TRAPPC10: variants seen among roughly 807,000 people sequenced by gnomAD.
The protein encoded by TRAPPC10 is TRAPP 130 kDa subunit.
TRAPPC10 carries 23 observed loss-of-function variants against 125.5 expected under a neutral mutation model. That is an observed-to-expected ratio of 0.18 (90% confidence interval 0.13 to 0.26). TRAPPC10 has a LOEUF of 0.26. Among genes scored for constraint, TRAPPC10 ranks in the 10% least tolerant of loss-of-function variants. The pLI is 1.00. For missense variants in TRAPPC10, 1,123 were observed against 1,308.4 expected (o/e 0.86, Z 2.19); for synonymous variants, 509 against 518.0 (o/e 0.98, Z 0.24).
At chr21:44,031,506 C>T (rs1238572794) in intron 1 of TRAPPC10, among the ~76,000 whole-genome samples, 1 of 152,178 alleles carries the variant, frequency 6.6e-6, no homozygotes, top group Non-Finnish European at 1.5e-5. Context: ...GCACTGAACA[C>T]GTTGGCCCTC....
In TRAPPC10 at chr21:44,074,328, C is replaced by G. The variant is rs2146021698; in HGVS notation, c.1043C>G (p.Ser348Cys). The G allele has an allele frequency of 1.9e-6, 3 of 1,614,026 alleles. No individual in the cohort carries two copies. The South Asian group carries it at 3.3e-5, about 18-fold the overall frequency. ...CVQELKLLEV[S>C]VPPGALDCWV... Reference sequence around the variant, plus strand: ...TTCGCATTTGCACCCCCACAGGTCTCTGTCCCACCTGGTGCTCTGGACTGC... The same window carrying G: ...TTCGCATTTGCACCCCCACAGGTCTGTGTCCCACCTGGTGCTCTGGACTGC... The change falls in exon 8 of 23, where the codon TCT becomes TGT. Residue 348 changes from serine to cysteine, a missense_variant. Transcript: ENST00000291574.
rs2037896166 is a variant in TRAPPC10 at position 44,083,365 on chromosome 21, G to T, written c.2238+63G>T. 4.5e-6 allele frequency: 7 copies of T among 1,554,120 alleles called. No homozygotes were observed. The African/African-American group carries it at 5.5e-5, about 12-fold the overall frequency. Reference sequence around the variant, plus strand: ...TAAAGCAGGGCCGTGGAGCTTACAAGAACTGTCTGGAGTGTGCTGTGAATT... The same window carrying T: ...TAAAGCAGGGCCGTGGAGCTTACAATAACTGTCTGGAGTGTGCTGTGAATT... On this transcript the variant is annotated intron_variant, in intron 14 of 22. Coordinates refer to ENST00000291574, the MANE Select transcript of TRAPPC10 (RefSeq NM_003274.5).
intron 6 of TRAPPC10, among the ~76,000 whole-genome samples, chr21:44,062,184 A>G (rs564168357): frequency 1.5e-3 from 235 of 152,332 alleles, no homozygotes; most frequent in African/African-American, 5.2e-3. Flanking sequence ...TTTAAAATCC[A>G]AAAGTAAGCC....
At chr21:44,053,798 G>A (rs1282271581) in intron 4 of TRAPPC10, among the ~76,000 whole-genome samples, 2 of 152,172 alleles carry the variant, frequency 1.3e-5, no homozygotes, top group African/African-American at 4.8e-5. Flanking sequence ...GGGGGATCAC[G>A]CCGCTCTCCA....
intron 2 of TRAPPC10, among the ~76,000 whole-genome samples, chr21:44,032,540 A>G (rs951164216): frequency 6.6e-6 from 1 of 151,662 alleles, no homozygotes; most frequent in African/African-American, 2.4e-5. Flanking sequence ...GCGCTACCGC[A>G]CCCGGCTAAT....
At chr21:44,013,185 C>G (rs2031373772) in intron 1 of TRAPPC10, among the ~76,000 whole-genome samples, 1 of 151,330 alleles carries the variant, frequency 6.6e-6, no homozygotes, top group Admixed American at 6.6e-5. Flanking sequence ...CTCGAGTCTA[C>G]ACTACGGACA....
chr21:44,058,108 C>T (rs1449433627), intron 5 of TRAPPC10, among the ~76,000 whole-genome samples: 1 of 152,076 alleles, frequency 6.6e-6, no homozygotes, highest in Non-Finnish European at 1.5e-5. Flanking sequence ...GGAGGAGATA[C>T]AGGAAAGGAA....
chr21:44,050,013 G>A, intron 3 of TRAPPC10, among the ~76,000 whole-genome samples: 1 of 151,888 alleles, frequency 6.6e-6, no homozygotes, highest in Non-Finnish European at 1.5e-5. Flanking sequence ...CTGGGTAGCT[G>A]GGACTACAGG....
chr21:44,059,713 T>C lies in TRAPPC10; in HGVS notation c.790+499T>C, dbSNP rs913744383. On this transcript the variant is annotated intron_variant, in intron 6 of 22. Coordinates refer to ENST00000291574, the MANE Select transcript of TRAPPC10 (RefSeq NM_003274.5). The surrounding 1 kb of genome is among the most constrained non-coding windows in gnomAD (Gnocchi z 4.4). ...GTGAAACCATACACAGAGAGAAACA[T>C]TGGTTATTGTCCTCAGTGTTTTTCG... 1 of 500,128 alleles carries C rather than the reference T, an allele frequency of 2.0e-6. No individual in the cohort carries two copies. 31.0% of individuals were successfully genotyped at this position (500,128 alleles called of 1,614,324 possible). A position where few individuals can be genotyped will look rare whatever the true frequency, so the allele number is the denominator to read the frequency against.
At chr21:44,037,690 C>T in intron 2 of TRAPPC10, 102 bp from the exon 3 acceptor site, 2 of 1,347,432 alleles carry the variant, frequency 1.5e-6, no homozygotes, top group Non-Finnish European at 2.0e-6. Context: ...TATATGTGCT[C>T]TGAACTCATG....
intron 18 of TRAPPC10, 37 bp from the exon 19 acceptor site, chr21:44,091,886 A>C: frequency 6.3e-7 from 1 of 1,598,744 alleles, no homozygotes; most frequent in East Asian, 2.2e-5. Flanking sequence ...TAAAGTTCTT[A>C]CATATCAAAA....
intron 5 of TRAPPC10, among the ~76,000 whole-genome samples, chr21:44,057,612 A>G (rs2035706540): frequency 6.6e-6 from 1 of 152,178 alleles, no homozygotes; most frequent in Admixed American, 6.5e-5. Flanking sequence ...AATGGTTAAG[A>G]TGGTCAGTTT....
rs1378116802 is a variant in TRAPPC10, at chr21:44,061,342, T to C, written c.790+2128T>C. Among the ~76,000 whole-genome samples the C allele has an allele frequency of 4.6e-5, 7 of 152,212 alleles. 1 individual carries two copies. In the Middle Eastern group the frequency reaches 0.014, roughly 296 times the overall value. ...TTTTAGTAGAGACGGGGTTTCACCG[T>C]GTTAGCCAGGATGGTCTCGATCTCC... On this transcript the variant is annotated intron_variant, in intron 6 of 22. Transcript: ENST00000291574.
At chr21:44,012,758 C>A (rs755936107) in intron 1 of TRAPPC10, among the ~76,000 whole-genome samples, 198 bp downstream of exon 1, 1 of 151,960 alleles carries the variant, frequency 6.6e-6, no homozygotes, top group African/African-American at 2.4e-5. Flanking sequence ...CGCCGGGCGA[C>A]CTCTGACCCC....
intron 2 of TRAPPC10, among the ~76,000 whole-genome samples, chr21:44,034,417 G>A (rs2033835203): frequency 6.7e-6 from 1 of 148,998 alleles, no homozygotes; most frequent in Non-Finnish European, 1.5e-5. Flanking sequence ...GATCTGAGGT[G>A]CTGCAGAAGG....
At chr21:44,029,084 C>CT (rs936159890) in intron 1 of TRAPPC10, among the ~76,000 whole-genome samples, 10 of 151,612 alleles carry the variant, frequency 6.6e-5, no homozygotes, top group South Asian at 4.2e-4. Flanking sequence ...TGTTCACCAT[C>CT]TTTTTTTTTG....
intron 13 of TRAPPC10, among the ~76,000 whole-genome samples, chr21:44,081,959 C>T (rs1001147617): frequency 2.0e-5 from 3 of 152,148 alleles, no homozygotes; most frequent in Admixed American, 6.5e-5. Flanking sequence ...GTCTTTAACG[C>T]GCCCAAGCTG....
chr21:44,083,977 G>A, intron 14 of TRAPPC10, 145 bp from the exon 15 acceptor site: 1 of 845,104 alleles, frequency 1.2e-6, no homozygotes, highest in East Asian at 2.7e-5. Flanking sequence ...AAGCTTAGAG[G>A]TTTAGGCACA....
intron 3 of TRAPPC10, among the ~76,000 whole-genome samples, chr21:44,041,183 G>A (rs2145750707): frequency 6.6e-6 from 1 of 152,218 alleles, no homozygotes; most frequent in African/African-American, 2.4e-5. Context: ...ATGTAGCACT[G>A]GCGCTACCTG....
Sources: gnomAD v4.1 joint callset for allele counts (sites outside exome capture counted in the v4.1 genomes callset) on GRCh38, gnomAD v4.1.1 for gene constraint, Gnocchi (gnomAD v3.1) non-coding constraint, MANE v1.5 for transcripts, NCBI Gene and HGNC (gene_info 2026-07-23, HGNC 2026-07-21) for gene names.